NPHP1: variants seen among roughly 807,000 people sequenced by gnomAD.
The protein encoded by NPHP1 is nephrocystin-1.
A neutral mutation model predicts 90.4 loss-of-function variants in NPHP1; 70 were observed. That is an observed-to-expected ratio of 0.77 (90% CI 0.64 to 0.95). The LOEUF (loss-of-function observed/expected upper bound fraction) is 0.95. Ranked by LOEUF, NPHP1 falls within the 40% of genes least tolerant of loss-of-function variation. The pLI is 0.00. For missense variants in NPHP1, 764 were observed against 795.9 expected, an observed-to-expected ratio of 0.96 and a Z score of 0.48; for synonymous variants, 256 against 271.7, an observed-to-expected ratio of 0.94 and a Z score of 0.57.
At chr2:110,168,705 A>C in intron 5 of NPHP1, 152 bp from the exon 6 acceptor site, 1 of 630,310 alleles carries the variant, frequency 1.6e-6, no homozygotes. Flanking sequence ...CTTCCCTATC[A>C]CCCGACCCCT....
intron 16 of NPHP1, among the ~76,000 whole-genome samples, chr2:110,136,538 CAGAG>C (rs1482410058): frequency 6.6e-6 from 1 of 152,060 alleles, no homozygotes; most frequent in Non-Finnish European, 1.5e-5. Flanking sequence ...AACAGACAAA[CAGAG>C]AGCCAAATCA....
intron 2 of NPHP1, among the ~76,000 whole-genome samples, chr2:110,182,767 T>G (rs185939194): frequency 6.6e-6 from 1 of 152,250 alleles, no homozygotes; most frequent in Non-Finnish European, 1.5e-5. Context: ...AGAATAATGA[T>G]GATAGGATCA....
chr2:110,125,517 C>T (rs1430070355), intron 19 of NPHP1, 120 bp downstream of exon 19: 1 of 1,190,616 alleles, frequency 8.4e-7, no homozygotes. Context: ...GAAACAGTTT[C>T]CCTGGTTAAG....
At chr2:110,130,770 C>T (rs1439898745) in intron 17 of NPHP1, among the ~76,000 whole-genome samples, 1 of 152,176 alleles carries the variant, frequency 6.6e-6, no homozygotes, top group Non-Finnish European at 1.5e-5. Flanking sequence ...CACACACTTC[C>T]CTCATAGGTC....
chr2:110,185,892 G>C (rs1031746160), intron 2 of NPHP1, among the ~76,000 whole-genome samples: 1 of 152,156 alleles, frequency 6.6e-6, no homozygotes, highest in East Asian at 1.9e-4. Context: ...CCTTCCAGGG[G>C]CCTTGGGAGA....
chr2:110,193,192 A>G (rs1000295079), intron 2 of NPHP1, among the ~76,000 whole-genome samples: 2 of 152,186 alleles, frequency 1.3e-5, no homozygotes, highest in Admixed American at 1.3e-4. Flanking sequence ...AAATGCTCCA[A>G]TTAAAAGACA....
At chr2:110,157,173 T>C (rs963338728) in intron 11 of NPHP1, among the ~76,000 whole-genome samples, 4 of 152,128 alleles carry the variant, frequency 2.6e-5, no homozygotes, top group African/African-American at 9.7e-5. Flanking sequence ...GTTCCATAAC[T>C]CTCAATTTGG....
In NPHP1 at chr2:110,160,594, T is replaced by C. The variant is rs17842678; in HGVS notation, c.955-339A>G. 0.3 allele frequency among the ~76,000 whole-genome samples: 46,070 copies of C among 152,084 alleles called. 7,713 individuals are homozygous for C. Among genetic ancestry groups the C allele is most frequent in the East Asian group, 0.57 (2,960 of 5,162 alleles). On this transcript the variant is annotated intron_variant, in intron 10 of 19. Coordinates refer to ENST00000445609, the MANE Select transcript of NPHP1 (RefSeq NM_001128178.3). The stretch of plus-strand genomic sequence containing the variant: ...TTCACTCCTACAGAATGTGGGTAAG[T>C]GCAGAAGGCTAACGCAGCATAAAAC...
At chr2:110,132,545 C>T (rs528965373) in intron 16 of NPHP1, among the ~76,000 whole-genome samples, 11 of 152,088 alleles carry the variant, frequency 7.2e-5, no homozygotes, top group Admixed American at 5.2e-4. Context: ...ATCCCAGCTA[C>T]TCAGAGGCCA....
intron 2 of NPHP1, chr2:110,184,441 T>G (rs1462690324): frequency 2.9e-6 from 2 of 688,542 alleles, no homozygotes; most frequent in Non-Finnish European, 5.1e-6. Flanking sequence ...AACGTTTTCT[T>G]CAAGAGCTTC....
In NPHP1 at chr2:110,144,585, A is replaced by G. The variant is rs1473831081; in HGVS notation, c.1353-16T>C. On this transcript the variant is annotated splice_polypyrimidine_tract_variant and intron_variant, in intron 14 of 19. Transcript: ENST00000445609. ...CTCATAAGTTCTATAAAAGAATAAC[A>G]TACAATGACAGATATAAGCTGTGGG... is the stretch of plus-strand genomic sequence containing the variant. The G allele has an allele frequency of 2.1e-6, 3 of 1,457,556 alleles. No homozygotes were observed. Among genetic ancestry groups the G allele is most frequent in the African/African-American group, 2.8e-5 (2 of 71,970 alleles). 90.3% of individuals were successfully genotyped at this position (1,457,556 alleles called of 1,614,324 possible).
chr2:110,192,765 G>A (rs1451271489), intron 2 of NPHP1, among the ~76,000 whole-genome samples: 7 of 152,072 alleles, frequency 4.6e-5, no homozygotes, highest in African/African-American at 1.4e-4. Flanking sequence ...GAGAAAGCTC[G>A]GGTTACCCAC....
rs1683749371 is a variant in NPHP1, at chr2:110,179,645, AT to A, written c.182del (p.Asn61MetfsTer6). The A allele has an allele frequency of 7.3e-6, 10 of 1,368,800 alleles. No homozygotes were observed. Among genetic ancestry groups the A allele is most frequent in the Non-Finnish European group, 8.3e-6 (8 of 961,760 alleles). 84.8% of individuals were successfully genotyped at this position (1,368,800 alleles called of 1,614,324 possible). On this transcript the variant is annotated frameshift_variant, in exon 3 of 20. Coordinates refer to ENST00000445609, the MANE Select transcript of NPHP1 (RefSeq NM_001128178.3). LOFTEE classifies it high-confidence loss of function. ...TTACTTTGCTTAATTTTTGAAGAGC[AT>A]TTTTATTTTCATCTATTGCCTGCTT... Reference protein sequence around the residue: ...QLKQAIDENKNALQKLSKADE... With the variant: ...QLKQAIDENKXALQKLSKADE...
At chr2:110,176,487 G>A (rs1683516906) in intron 4 of NPHP1, among the ~76,000 whole-genome samples, 1 of 151,786 alleles carries the variant, frequency 6.6e-6, no homozygotes, top group Admixed American at 6.6e-5. Flanking sequence ...ATTTTCCCCT[G>A]CTTTTTTGCA....
intron 18 of NPHP1, chr2:110,127,989 G>T (rs1173549899): frequency 6.6e-6 from 1 of 152,108 alleles, no homozygotes; most frequent in African/African-American, 2.4e-5. Context: ...AGAAGAAAGA[G>T]AAATTCTGCA....
At chr2:110,204,606 T>A (rs139810603) in intron 1 of NPHP1, among the ~76,000 whole-genome samples, 1 of 151,752 alleles carries the variant, frequency 6.6e-6, no homozygotes, top group Non-Finnish European at 1.5e-5. Context: ...GTTGTTAGGG[T>A]AGGAGGTTGA....
intron 2 of NPHP1, among the ~76,000 whole-genome samples, chr2:110,188,187 A>T (rs1487727249): frequency 6.6e-6 from 1 of 152,168 alleles, no homozygotes; most frequent in African/African-American, 2.4e-5. Context: ...AAGAGAAAGA[A>T]ATAAGGAGTA....
At chr2:110,139,114 CTTAT>C (rs1306644133) in intron 16 of NPHP1, among the ~76,000 whole-genome samples, 2 of 151,680 alleles carry the variant, frequency 1.3e-5, no homozygotes, top group African/African-American at 4.9e-5. Context: ...ACATTATTAC[CTTAT>C]TTATTTTTAG....
chr2:110,133,450 A>G (rs1480336699), intron 16 of NPHP1, among the ~76,000 whole-genome samples: 3 of 152,150 alleles, frequency 2.0e-5, no homozygotes, highest in African/African-American at 7.2e-5. Context: ...ATCTATAATA[A>G]TAGAGAAGAT....
Sources: gnomAD v4.1 joint callset for allele counts (sites outside exome capture counted in the v4.1 genomes callset) on GRCh38, gnomAD v4.1.1 for gene constraint, MANE v1.5 for transcripts, NCBI Gene and HGNC (gene_info 2026-07-23, HGNC 2026-07-21) for gene names.